The following IQSEC1 variants were observed in gnomAD, a reference collection of about 807,000 sequenced individuals.
The protein encoded by IQSEC1 is IQ motif and Sec7 domain ArfGEF 1, also known as IQ motif and SEC7 domain-containing protein 1.
A neutral mutation model predicts 91.0 loss-of-function variants in IQSEC1; 31 were observed. The ratio of observed to expected loss-of-function variants is 0.34; its 90% CI spans 0.26 to 0.46. IQSEC1 has a LOEUF of 0.46. Ranked by LOEUF, IQSEC1 falls within the 20% of genes least tolerant of loss-of-function variation. IQSEC1 has a pLI of 1.00. For missense variants in IQSEC1, 1,388 were observed against 1,575.6 expected (o/e 0.88, Z 2.02); for synonymous variants, 699 against 662.6 (o/e 1.05, Z -0.84).
intron 1 of IQSEC1, among the ~76,000 whole-genome samples, chr3:13,263,094 A>G (rs1428380379): frequency 6.6e-6 from 1 of 152,130 alleles, no homozygotes; most frequent in South Asian, 2.1e-4. Context: ...CTAAAAATAT[A>G]CAGAAATTAA....
intron 1 of IQSEC1, among the ~76,000 whole-genome samples, chr3:12,954,275 T>C (rs542332670): frequency 6.6e-6 from 1 of 152,308 alleles, no homozygotes; most frequent in East Asian, 1.9e-4. Flanking sequence ...GAGATGAGAA[T>C]GCAGGTTCCA....
intron 2 of IQSEC1, among the ~76,000 whole-genome samples, chr3:13,096,697 A>G (rs535034158): frequency 1.2e-4 from 18 of 152,288 alleles, no homozygotes; most frequent in African/African-American, 4.3e-4. Flanking sequence ...AGGGCAGCAC[A>G]GTCCCAGCCA....
chr3:12,990,926 G>T (rs1266045917), intron 1 of IQSEC1, among the ~76,000 whole-genome samples: 1 of 152,182 alleles, frequency 6.6e-6, no homozygotes, highest in Non-Finnish European at 1.5e-5. Flanking sequence ...AAAAATGCTC[G>T]CTGGGTTTGC....
At chr3:12,969,870 CTT>C (rs772468253) in intron 1 of IQSEC1, among the ~76,000 whole-genome samples, 6 of 152,194 alleles carry the variant, frequency 3.9e-5, no homozygotes, top group Non-Finnish European at 8.8e-5. Flanking sequence ...TCTTGATTCT[CTT>C]GTTTTATCTT....
chr3:13,162,443 C>G (rs1707195986), intron 2 of IQSEC1, among the ~76,000 whole-genome samples: 1 of 152,210 alleles, frequency 6.6e-6, no homozygotes. Context: ...CACCCTCTCC[C>G]TAACCTGTTG....
At position 13,276,396 on chromosome 3, in the gene IQSEC1, A is replaced by C. The variant is rs151094366; in HGVS notation, c.272+6315T>G. Among the ~76,000 whole-genome samples the C allele has an allele frequency of 1.3e-3, 195 of 152,188 alleles. 1 individual carries two copies. Among genetic ancestry groups the C allele is most frequent in the African/African-American group, 4.6e-3 (190 of 41,524 alleles). On this transcript the variant is annotated intron_variant, in intron 1 of 15. Coordinates refer to the IQSEC1 transcript ENST00000648114. ...AGCCACTGCACCTGGCCTCCTTCAA[A>C]GCATTCTTGATGCCCTGGCTATTCC...
intron 1 of IQSEC1, among the ~76,000 whole-genome samples, chr3:13,026,277 T>C (rs1703609297): frequency 6.6e-6 from 1 of 152,044 alleles, no homozygotes; most frequent in African/African-American, 2.4e-5. Context: ...TGGTTAGGGT[T>C]CCCCCCTTCT....
intron 9 of IQSEC1, 31 bp from the exon 10 acceptor site, chr3:12,911,759 C>T: frequency 6.7e-7 from 1 of 1,496,318 alleles, no homozygotes; most frequent in Non-Finnish European, 9.3e-7. Context: ...AGCTGAGCTA[C>T]AGTGTCTCGG....
intron 1 of IQSEC1, among the ~76,000 whole-genome samples, chr3:13,164,516 T>C (rs1693440111): frequency 6.6e-6 from 1 of 152,188 alleles, no homozygotes; most frequent in Non-Finnish European, 1.5e-5. Context: ...AATGAATGAA[T>C]GAATGAATAA....
intron 1 of IQSEC1, among the ~76,000 whole-genome samples, chr3:12,945,898 G>A (rs547465242): frequency 3.9e-4 from 59 of 152,318 alleles, no homozygotes; most frequent in African/African-American, 1.3e-3. Context: ...GGAAGTTATC[G>A]AACTTAAATG....
intron 1 of IQSEC1, among the ~76,000 whole-genome samples, chr3:13,025,522 C>T (rs1703579025): frequency 1.3e-5 from 2 of 152,162 alleles, no homozygotes; most frequent in Non-Finnish European, 2.9e-5. Context: ...AGGGGTGCCC[C>T]CTACTCTGGA....
At chr3:12,999,846 C>T (rs1164496446) in intron 1 of IQSEC1, among the ~76,000 whole-genome samples, 1 of 152,220 alleles carries the variant, frequency 6.6e-6, no homozygotes, top group Non-Finnish European at 1.5e-5. Flanking sequence ...GCTCTTCACT[C>T]TGTCCATTAT....
At chr3:13,102,085 C>A (rs556133594) in intron 2 of IQSEC1, among the ~76,000 whole-genome samples, 7 of 139,604 alleles carry the variant, frequency 5.0e-5, no homozygotes, top group African/African-American at 1.5e-4. Context: ...TGAGACCAGC[C>A]TGGGCAATGT....
chr3:13,019,571 C>A (rs151238928), intron 1 of IQSEC1, among the ~76,000 whole-genome samples: 65 of 152,356 alleles, frequency 4.3e-4, no homozygotes, highest in Non-Finnish European at 6.2e-4. Context: ...GGCTGGCTGG[C>A]TGGTTGGGGC....
chr3:12,899,761 C>T lies in IQSEC1; in HGVS notation c.*1222G>A, dbSNP rs1047070737. The T allele has an allele frequency of 2.0e-6, 2 of 985,322 alleles. No individual in the cohort carries two copies. Among genetic ancestry groups the T allele is most frequent in the East Asian group, 1.1e-4 (1 of 8,832 alleles). The allele number at this position is 985,322 out of a possible 1,614,324, so 61.0% of individuals were successfully genotyped here. A position where few individuals can be genotyped will look rare whatever the true frequency, so the allele number is the denominator to read the frequency against. Reference sequence around the variant, plus strand: ...GTTGCTAAACGCTAAAGTCAACCTTCAGGTTCGAGAGTGGTTCCTGATGAA... The same window carrying T: ...GTTGCTAAACGCTAAAGTCAACCTTTAGGTTCGAGAGTGGTTCCTGATGAA... On this transcript the variant is annotated 3_prime_UTR_variant, in exon 14 of 14. Transcript: ENST00000613206.
intron 2 of IQSEC1, among the ~76,000 whole-genome samples, chr3:13,161,630 C>T (rs983893377): frequency 3.3e-5 from 5 of 152,212 alleles, no homozygotes; most frequent in African/African-American, 4.8e-5. Context: ...ATGGGGACAA[C>T]GGGCCAGGGC....
At chr3:13,061,295 C>G (rs910519261) in intron 1 of IQSEC1, among the ~76,000 whole-genome samples, 11 of 152,182 alleles carry the variant, frequency 7.2e-5, no homozygotes, top group African/African-American at 2.7e-4. Flanking sequence ...GTTTCCCCTC[C>G]TTGAGATGCT....
chr3:13,029,873 A>G (rs751327614), intron 1 of IQSEC1, among the ~76,000 whole-genome samples: 4 of 152,176 alleles, frequency 2.6e-5, no homozygotes, highest in Non-Finnish European at 5.9e-5. Flanking sequence ...GCTGTTTCCC[A>G]ATACCCAGAC....
At chr3:13,090,617 G>A (rs1208068666) in intron 2 of IQSEC1, among the ~76,000 whole-genome samples, 3 of 152,204 alleles carry the variant, frequency 2.0e-5, no homozygotes, top group Non-Finnish European at 4.4e-5. Context: ...TCCTGGTAGA[G>A]GTAGGCCCCA....
Sources: allele counts gnomAD v4.1 joint callset (sites outside exome capture counted in the v4.1 genomes callset), GRCh38; gene constraint gnomAD v4.1.1; transcripts MANE v1.5; gene names NCBI Gene and HGNC (gene_info 2026-07-23, HGNC 2026-07-21).